The following NEK6 variants were observed in gnomAD, a reference collection of about 807,000 sequenced individuals.
The protein encoded by NEK6 is NIMA related kinase 6.
A neutral mutation model predicts 43.5 loss-of-function variants in NEK6; 27 were observed. The observed-to-expected ratio is 0.62, with a 90% confidence interval of 0.46 to 0.86. The LOEUF (loss-of-function observed/expected upper bound fraction) is 0.86. NEK6 is among the 40% of genes least tolerant of loss of function. NEK6 has a pLI of 0.00. For synonymous variants in NEK6, 167 were observed against 164.1 expected (o/e 1.02, Z -0.14); for missense variants, 318 against 414.4 (o/e 0.77, Z 2.02).
rs562215331 is a variant in NEK6 at position 124,333,749 on chromosome 9, G to A, written c.623-5822G>A. ...CTAACCAGCCTCTCCAGGCAATTCAGCTGCAGCATGGATCATTTCAGTCCT... is the reference window on the plus strand; with the variant it reads ...CTAACCAGCCTCTCCAGGCAATTCAACTGCAGCATGGATCATTTCAGTCCT... On this transcript the variant is annotated intron_variant, in intron 7 of 9. Coordinates refer to ENST00000320246, the MANE Select transcript of NEK6 (RefSeq NM_014397.6). 2.8e-3 allele frequency among the ~76,000 whole-genome samples: 429 copies of A among 150,778 alleles called. 1 individual carries two copies. The highest frequency in any genetic ancestry group is 0.01 in the African/African-American group (417 of 40,990).
intron 1 of NEK6, among the ~76,000 whole-genome samples, chr9:124,280,573 G>A (rs1421038794): frequency 6.6e-6 from 1 of 152,206 alleles, no homozygotes; most frequent in Non-Finnish European, 1.5e-5. Flanking sequence ...GGGCAGACAT[G>A]GGTGTGACGT....
chr9:124,323,834 G>A (rs1834193825), intron 5 of NEK6, among the ~76,000 whole-genome samples: 1 of 152,184 alleles, frequency 6.6e-6, no homozygotes, highest in African/African-American at 2.4e-5. Context: ...GGCCTGGGAT[G>A]GGGTGTCTCC....
intron 1 of NEK6, among the ~76,000 whole-genome samples, chr9:124,294,340 C>T (rs1391956017): frequency 6.6e-6 from 1 of 152,140 alleles, no homozygotes; most frequent in Non-Finnish European, 1.5e-5. Flanking sequence ...TGGGCTTGTG[C>T]TAAGTTTCTT....
chr9:124,314,038 C>T, intron 4 of NEK6, 53 bp downstream of exon 4: 1 of 1,551,400 alleles, frequency 6.4e-7, no homozygotes, highest in Non-Finnish European at 8.9e-7. Flanking sequence ...GGTTCTGGGG[C>T]CGCGGCTGGG....
intron 1 of NEK6, among the ~76,000 whole-genome samples, chr9:124,274,808 A>G (rs897443111): frequency 1.3e-5 from 2 of 152,188 alleles, no homozygotes; most frequent in East Asian, 1.9e-4. Flanking sequence ...TGTGCTTGCC[A>G]TTCTGCATGT....
chr9:124,342,827 C>A (rs981101546), intron 8 of NEK6, among the ~76,000 whole-genome samples: 1 of 152,242 alleles, frequency 6.6e-6, no homozygotes, highest in Non-Finnish European at 1.5e-5. Flanking sequence ...CACATAAACA[C>A]ACACACAGCA....
At chr9:124,341,390 G>T (rs1235370386) in intron 8 of NEK6, among the ~76,000 whole-genome samples, 2 of 53,060 alleles carry the variant, frequency 3.8e-5, no homozygotes, top group African/African-American at 1.1e-4. Flanking sequence ...TGACAAGAGG[G>T]TGGGACCCCT....
intron 8 of NEK6, among the ~76,000 whole-genome samples, chr9:124,342,421 T>C (rs1187800931): frequency 6.6e-6 from 1 of 152,204 alleles, no homozygotes; most frequent in African/African-American, 2.4e-5. Context: ...CACGGAAGGA[T>C]CCAGGCAAGT....
At chr9:124,301,635 G>A (rs1242499758) in intron 1 of NEK6, among the ~76,000 whole-genome samples, 1 of 152,224 alleles carries the variant, frequency 6.6e-6, no homozygotes, top group African/African-American at 2.4e-5. Context: ...TCCAGCAAAT[G>A]TGGGGTTGAA....
intron 1 of NEK6, among the ~76,000 whole-genome samples, chr9:124,281,605 A>C (rs1324064351): frequency 7.2e-6 from 1 of 138,792 alleles, no homozygotes; most frequent in Non-Finnish European, 1.5e-5. Context: ...GGTTGAAGTG[A>C]TTCTCCTGCT....
rs878680 is a variant in NEK6, at chr9:124,324,398, G to A, written c.406-1932G>A. Among the ~76,000 whole-genome samples, 60 of 152,330 alleles carry A rather than the reference G, an allele frequency of 3.9e-4. No individual in the cohort carries two copies. The East Asian group carries it at 4.8e-3, about 12-fold the overall frequency. On this transcript the variant is annotated intron_variant, in intron 5 of 9. Transcript: ENST00000320246. This position sits in a 1 kb window ranked among gnomAD's most constrained non-coding sequence, Gnocchi z 5.3. ...CCTGCAGCCTCAAGGGCTGAGCTGC[G>A]CCATCACAGCCATGGTGCCCGAGTT... is the stretch of plus-strand genomic sequence containing the variant.
intron 2 of NEK6, among the ~76,000 whole-genome samples, chr9:124,308,580 C>T (rs149118127): frequency 3.9e-4 from 58 of 149,982 alleles, no homozygotes; most frequent in African/African-American, 1.1e-3. Flanking sequence ...CGCTTGAACC[C>T]GGGAGGCGGA....
intron 2 of NEK6, among the ~76,000 whole-genome samples, chr9:124,303,916 AGAG>A (rs1833123385): frequency 6.6e-6 from 1 of 152,268 alleles, no homozygotes; most frequent in African/African-American, 2.4e-5. Context: ...CTCATTTGGC[AGAG>A]GAGAGGGCCC....
intron 1 of NEK6, among the ~76,000 whole-genome samples, chr9:124,297,993 G>T (rs1258919251): frequency 6.6e-6 from 1 of 152,204 alleles, no homozygotes; most frequent in African/African-American, 2.4e-5. Context: ...CCCATGGAGA[G>T]CCCCAAGAGG....
Position 124,352,145 on chromosome 9 carries a change from A to C in NEK6, c.*1198A>C, listed in dbSNP as rs1360928351. On this transcript the variant is annotated 3_prime_UTR_variant, in exon 10 of 10. Transcript: ENST00000320246. The stretch of plus-strand genomic sequence containing the variant: ...TTTTTGTACGTAAAGTTAACCTTCC[A>C]ATTGTCTGAGCTGTCGTCACTGACT... 1.3e-5 allele frequency: 2 copies of C among 152,682 alleles called. No homozygotes were observed. The highest frequency in any genetic ancestry group is 2.9e-5 in the Non-Finnish European group (2 of 68,058). 9.5% of individuals were successfully genotyped at this position (152,682 alleles called of 1,614,324 possible). A position where few individuals can be genotyped will look rare whatever the true frequency, so the allele number is the denominator to read the frequency against.
chr9:124,335,043 G>A (rs1207198169), intron 7 of NEK6, among the ~76,000 whole-genome samples: 2 of 152,188 alleles, frequency 1.3e-5, no homozygotes, highest in African/African-American at 4.8e-5. Context: ...ACTGGGGACA[G>A]GACTCCCTGC....
Position 124,313,984 on chromosome 9 carries a change from A to G in NEK6, c.293A>G (p.Lys98Arg). ...QDCVKEIGLL[K>R]QLNHPNIIKY... is the part of the protein sequence containing the mutation. The stretch of plus-strand genomic sequence containing the variant: ...TGTGTCAAGGAGATCGGCCTCTTGA[A>G]GGTGAGCACCCTGGGCCGAGCGGGA... Residue 98 changes from lysine to arginine, a missense_variant and splice_region_variant, in exon 4 of 10, where the codon AAG (lysine) becomes AGG (arginine). Transcript: ENST00000320246. The G allele has an allele frequency of 6.2e-7, 1 of 1,614,144 alleles. No homozygotes were observed. The highest frequency in any genetic ancestry group is 8.5e-7 in the Non-Finnish European group (1 of 1,179,974).
intron 2 of NEK6, among the ~76,000 whole-genome samples, chr9:124,305,137 G>A (rs1029325502): frequency 7.2e-5 from 11 of 152,362 alleles, no homozygotes; most frequent in Middle Eastern, 3.4e-3. Context: ...AGAGAACTTC[G>A]CAGGGGATTG....
At chr9:124,278,607 C>T (rs1831750064) in intron 1 of NEK6, among the ~76,000 whole-genome samples, 1 of 152,198 alleles carries the variant, frequency 6.6e-6, no homozygotes, top group Admixed American at 6.5e-5. Flanking sequence ...ACCCCTGGCC[C>T]ACCATAGGAC....
Sources: gnomAD v4.1 joint callset for allele counts (sites outside exome capture counted in the v4.1 genomes callset) on GRCh38, gnomAD v4.1.1 for gene constraint, Gnocchi (gnomAD v3.1) non-coding constraint, MANE v1.5 for transcripts, NCBI Gene and HGNC (gene_info 2026-07-23, HGNC 2026-07-21) for gene names.